The following HSPA12B variants were observed in gnomAD, a reference collection of about 807,000 sequenced individuals.
HSPA12B encodes the protein heat shock 70 kDa protein 12B.
A neutral mutation model predicts 69.3 loss-of-function variants in HSPA12B; 54 were observed. The observed-to-expected ratio is 0.78, with a 90% confidence interval of 0.63 to 0.98. The LOEUF (loss-of-function observed/expected upper bound fraction) is 0.98. HSPA12B is among the 50% of genes least tolerant of loss of function. HSPA12B has a pLI of 0.00. For missense variants in HSPA12B, 929 were observed against 999.8 expected (o/e 0.93, Z 0.96); for synonymous variants, 441 against 436.5 (o/e 1.01, Z -0.13).
rs1205254920 is a variant in HSPA12B, at chr20:3,745,916, A to G, written c.560A>G (p.Glu187Gly). 1 of 1,613,720 alleles carries G rather than the reference A, an allele frequency of 6.2e-7. No individual in the cohort carries two copies. Among genetic ancestry groups the G allele is most frequent in the South Asian group, 1.1e-5 (1 of 91,070 alleles). The change falls in exon 7 of 13, where the codon GAG (glutamate) becomes GGG (glycine). Residue 187 changes from glutamate (E) to glycine (G), a missense_variant and splice_region_variant. Coordinates refer to ENST00000254963, the MANE Select transcript of HSPA12B (RefSeq NM_052970.5). The surrounding 1 kb of genome is among the most constrained non-coding windows in gnomAD (Gnocchi z 5.6). Reference sequence around the variant, plus strand: ...TCTCACTGCCCCCTCCTGTACCAGGAGCTGAGGGAGCAGAGCCCATCGCTG... The same window carrying G: ...TCTCACTGCCCCCTCCTGTACCAGGGGCTGAGGGAGCAGAGCCCATCGCTG... ...LRFFREHALQ[E>G]LREQSPSLPE...
Position 3,750,041 on chromosome 20 carries a change from T to C in HSPA12B, c.1115T>C (p.Phe372Ser). ...CTGTGCCGCATCTTCGGCGAGGACT[T>C]CATCGCCACCTTCAAAAGGCAACGG... Reference protein sequence around the residue: ...QLLCRIFGEDFIATFKRQRPA... With the variant: ...QLLCRIFGEDSIATFKRQRPA... The change falls in exon 11 of 13, where the codon TTC (phenylalanine) becomes TCC (serine). Residue 372 changes from phenylalanine (F) to serine (S), a missense_variant. By Grantham distance (155) the Phe-to-Ser change is radical. This residue lies in a region of HSPA12B where 477 missense variants were observed against 535.2 expected (regional missense o/e 0.89). Transcript: ENST00000254963. 6.2e-7 allele frequency: 1 copy of C among 1,607,350 alleles called. No individual in the cohort carries two copies. The highest frequency in any genetic ancestry group is 2.2e-5 in the East Asian group (1 of 44,576).
Position 3,745,846 on chromosome 20 carries a change from T to A in HSPA12B, c.559-69T>A. 7.4e-7 allele frequency: 1 copy of A among 1,350,850 alleles called. No homozygotes were observed. 83.7% of individuals were successfully genotyped at this position (1,350,850 alleles called of 1,614,324 possible). A position where few individuals can be genotyped will look rare whatever the true frequency, so the allele number is the denominator to read the frequency against. ...CCTGTGATTTGATTAGTACCTCCAG[T>A]TCCGCAGAGGGCTGAAGACCACCCT... On this transcript the variant is annotated intron_variant, in intron 6 of 12. Transcript: ENST00000254963. The surrounding 1 kb of genome is among the most constrained non-coding windows in gnomAD (Gnocchi z 5.6).
chr20:3,735,319 T>C (rs1231646501), intron 1 of HSPA12B, among the ~76,000 whole-genome samples: 2 of 152,220 alleles, frequency 1.3e-5, no homozygotes, highest in Non-Finnish European at 2.9e-5. Flanking sequence ...TAATAGGCTC[T>C]TGCCATCCCT....
In HSPA12B at chr20:3,752,031, C is replaced by T. The variant is rs1430375815; in HGVS notation, c.1926C>T (p.Asp642=). ...TTGAGCCCGCCGACTGCGGCCAGGA[C>T]ACCGCCGGCGCGCCTCCCGGCCGCC... ...LELEPADCGQ[D]TAGAPPGRRE... is the part of the protein sequence containing the mutation. The change falls in exon 13 of 13, where the codon GAC becomes GAT. Residue 642 remains aspartate (D), a synonymous_variant. Coordinates refer to ENST00000254963, the MANE Select transcript of HSPA12B (RefSeq NM_052970.5). The T allele has an allele frequency of 6.4e-7, 1 of 1,556,826 alleles. No homozygotes were observed. The highest frequency in any genetic ancestry group is 2.4e-5 in the East Asian group (1 of 42,504).
At position 3,749,709 on chromosome 20, in the gene HSPA12B, C is replaced by G. The variant is rs1230158482; in HGVS notation, c.938-41C>G. On this transcript the variant is annotated intron_variant, in intron 9 of 12. Transcript: ENST00000254963. This position sits in a 1 kb window ranked among gnomAD's most constrained non-coding sequence, Gnocchi z 5.5. ...TGGAGGGGGCGCAGGGCTGAGGGTG[C>G]GAGGCCGCCCACGAGTGTGTGCCCG... is the stretch of plus-strand genomic sequence containing the variant. The G allele has an allele frequency of 1.4e-6, 2 of 1,425,816 alleles. No individual in the cohort carries two copies. Among genetic ancestry groups the G allele is most frequent in the Non-Finnish European group, 1.9e-6 (2 of 1,049,466 alleles). The allele number at this position is 1,425,816 out of a possible 1,614,324, so 88.3% of individuals were successfully genotyped here.
In HSPA12B at chr20:3,742,373, C is replaced by T. The variant is rs1187882777; in HGVS notation, c.231C>T (p.Ser77=). The change falls in exon 4 of 13, where the codon AGC becomes AGT. Residue 77 remains serine (S), a synonymous_variant. Transcript: ENST00000254963. Reference sequence around the variant, plus strand: ...CCACGTCTAGTGGCTATGCTTTCAGCTTTGCCAGTGACCCTGAGGCCATCC... The same window carrying T: ...CCACGTCTAGTGGCTATGCTTTCAGTTTTGCCAGTGACCCTGAGGCCATCC... ...FGTTSSGYAF[S]FASDPEAIHM... is the part of the protein sequence containing the mutation. The T allele has an allele frequency of 1.2e-6, 2 of 1,613,890 alleles. No individual in the cohort carries two copies. Among genetic ancestry groups the T allele is most frequent in the African/African-American group, 1.3e-5 (1 of 74,930 alleles).
At position 3,751,706 on chromosome 20, in the gene HSPA12B, T is replaced by C. The variant is rs1383279790; in HGVS notation, c.1601T>C (p.Val534Ala). ...CTGTTCGGCCAGGCGCCGGGCGTGG[T>C]GCGGGTCCGCCGCTCGCCGCTCACC... is the stretch of plus-strand genomic sequence containing the variant. ...AVLFGQAPGV[V>A]RVRRSPLTYG... is the part of the protein sequence containing the mutation. Residue 534 changes from valine (V) to alanine (A), a missense_variant, in exon 13 of 13, where the codon GTG becomes GCG. Coordinates refer to ENST00000254963, the MANE Select transcript of HSPA12B (RefSeq NM_052970.5). 3 of 1,484,492 alleles carry C rather than the reference T, an allele frequency of 2.0e-6. No homozygotes were observed. The highest frequency in any genetic ancestry group is 2.7e-6 in the Non-Finnish European group (3 of 1,121,202). 92.0% of individuals were successfully genotyped at this position (1,484,492 alleles called of 1,614,324 possible). A position where few individuals can be genotyped will look rare whatever the true frequency, so the allele number is the denominator to read the frequency against.
intron 8 of HSPA12B, among the ~76,000 whole-genome samples, chr20:3,748,737 G>A (rs2088354584): frequency 6.6e-6 from 1 of 152,074 alleles, no homozygotes; most frequent in Admixed American, 6.5e-5. Context: ...GGAAACTGCT[G>A]GGGTACTGAC....
chr20:3,752,316 G>A lies in HSPA12B; in HGVS notation c.*150G>A, dbSNP rs1337480400. ...AGCCCCGGGGGAGATAAGGTCATGG[G>A]AGAGTGGGTGGGGACACACCCAGAG... On this transcript the variant is annotated 3_prime_UTR_variant, in exon 13 of 13. Transcript: ENST00000254963. The A allele has an allele frequency of 7.9e-6, 6 of 755,518 alleles. No homozygotes were observed. The highest frequency in any genetic ancestry group is 1.2e-5 in the Non-Finnish European group (6 of 513,444). The allele number at this position is 755,518 out of a possible 1,614,324, so 46.8% of individuals were successfully genotyped here. A position where few individuals can be genotyped will look rare whatever the true frequency, so the allele number is the denominator to read the frequency against.
Position 3,740,852 on chromosome 20 carries a change from C to T in HSPA12B, c.81C>T (p.Pro27=), listed in dbSNP as rs1288586108. The T allele has an allele frequency of 3.7e-6, 6 of 1,613,878 alleles. No individual in the cohort carries two copies. The highest frequency in any genetic ancestry group is 2.2e-5 in the East Asian group (1 of 44,876). ...AGCGGTCCCCAGTGCCTAGCCCACC[C>T]GGCTCCCCGAGGACCCAGGAAAGCT... ...SPERSPVPSP[P]GSPRTQESCG... is the part of the protein sequence containing the mutation. The change falls in exon 3 of 13, where the codon CCC becomes CCT. Residue 27 remains proline, a synonymous_variant. Coordinates refer to ENST00000254963, the MANE Select transcript of HSPA12B (RefSeq NM_052970.5). This position sits in a 1 kb window ranked among gnomAD's most constrained non-coding sequence, Gnocchi z 4.9.
rs1343664933 is a variant in HSPA12B, at chr20:3,744,885, G to A, written c.267-17G>A. 1 of 1,609,846 alleles carries A rather than the reference G, an allele frequency of 6.2e-7. No individual in the cohort carries two copies. Among genetic ancestry groups the A allele is most frequent in the Non-Finnish European group, 8.5e-7 (1 of 1,179,338 alleles). Reference sequence around the variant, plus strand: ...CCAAGAAGGGAGGGTTGCACTGACTGCCCTGTGCCTCCGCAGGAAATGGGA... The same window carrying A: ...CCAAGAAGGGAGGGTTGCACTGACTACCCTGTGCCTCCGCAGGAAATGGGA... On this transcript the variant is annotated splice_polypyrimidine_tract_variant and intron_variant, in intron 4 of 12. Transcript: ENST00000254963. This position sits in a 1 kb window ranked among gnomAD's most constrained non-coding sequence, Gnocchi z 4.9.
intron 4 of HSPA12B, among the ~76,000 whole-genome samples, chr20:3,743,905 G>C (rs1568474806): frequency 6.6e-6 from 1 of 151,820 alleles, no homozygotes; most frequent in Non-Finnish European, 1.5e-5. Flanking sequence ...AATAAAACAA[G>C]AAATAAAAAT....
At chr20:3,746,096 C>A in intron 7 of HSPA12B, 65 bp downstream of exon 7, 1 of 1,164,490 alleles carries the variant, frequency 8.6e-7, no homozygotes, top group Non-Finnish European at 1.3e-6. Flanking sequence ...CCCATGCTTG[C>A]ATGCACCCCA....
At chr20:3,750,538 G>C (rs1468348028) in intron 11 of HSPA12B, 2 of 448,432 alleles carry the variant, frequency 4.5e-6, no homozygotes, top group Non-Finnish European at 2.9e-6. Context: ...ATGCTCCTCG[G>C]TTTCCCTGCA....
In HSPA12B at chr20:3,751,829, A is replaced by T; in HGVS notation, c.1724A>T (p.Glu575Val). The change falls in exon 13 of 13, where the codon GAG (glutamate) becomes GTG (valine). Residue 575 changes from glutamate (E) to valine (V), a missense_variant. This residue lies in a region of HSPA12B where 448 missense variants were observed against 448.1 expected (regional missense o/e 1.00). Transcript: ENST00000254963. ...DGRRWCTDVF[E>V]RFVAAEQSVA... The stretch of plus-strand genomic sequence containing the variant: ...CGCCGCTGGTGCACCGACGTCTTCG[A>T]GCGCTTCGTGGCCGCCGAGCAGTCG... 6.5e-7 allele frequency: 1 copy of T among 1,536,286 alleles called. No homozygotes were observed. The highest frequency in any genetic ancestry group is 8.7e-7 in the Non-Finnish European group (1 of 1,147,446).
At position 3,745,634 on chromosome 20, in the gene HSPA12B, G is replaced by A; in HGVS notation, c.558+37G>A. 4.4e-6 allele frequency: 7 copies of A among 1,578,694 alleles called. No individual in the cohort carries two copies. The highest frequency in any genetic ancestry group is 6.1e-6 in the Non-Finnish European group (7 of 1,148,878). ...CCCCACCTCTGCCGACTGTGGCAGG[G>A]ACCCCCTATTTTCCCCTCATCCGAA... On this transcript the variant is annotated intron_variant, in intron 6 of 12. Coordinates refer to ENST00000254963, the MANE Select transcript of HSPA12B (RefSeq NM_052970.5). The surrounding 1 kb of genome is among the most constrained non-coding windows in gnomAD (Gnocchi z 5.6).
chr20:3,740,802 C>G lies in HSPA12B; in HGVS notation c.44-13C>G. The G allele has an allele frequency of 6.2e-7, 1 of 1,611,128 alleles. No homozygotes were observed. The highest frequency in any genetic ancestry group is 8.5e-7 in the Non-Finnish European group (1 of 1,178,392). ...TGCTTGTGCCAGGATGAACTGCCGTCTCTTCTCTGCAGGCTCCAGCCCGGA... is the reference window on the plus strand; with the variant it reads ...TGCTTGTGCCAGGATGAACTGCCGTGTCTTCTCTGCAGGCTCCAGCCCGGA... On this transcript the variant is annotated splice_polypyrimidine_tract_variant and intron_variant, in intron 2 of 12. Transcript: ENST00000254963. The surrounding 1 kb of genome is among the most constrained non-coding windows in gnomAD (Gnocchi z 4.9).
rs1038503484 is a variant in HSPA12B, at chr20:3,752,408, G to C, written c.*242G>C. On this transcript the variant is annotated 3_prime_UTR_variant, in exon 13 of 13. Coordinates refer to ENST00000254963, the MANE Select transcript of HSPA12B (RefSeq NM_052970.5). ...TGAAGGGACCCGCCAAGGACTGAACGGGTAAGAGAAGAGGTTTGCAAGACA... is the reference window on the plus strand; with the variant it reads ...TGAAGGGACCCGCCAAGGACTGAACCGGTAAGAGAAGAGGTTTGCAAGACA... 1.6e-5 allele frequency: 7 copies of C among 438,522 alleles called. No individual in the cohort carries two copies. Among genetic ancestry groups the C allele is most frequent in the Admixed American group, 8.6e-5 (2 of 23,382 alleles). The allele number at this position is 438,522 out of a possible 1,614,324, so 27.2% of individuals were successfully genotyped here. A position where few individuals can be genotyped will look rare whatever the true frequency, so the allele number is the denominator to read the frequency against.
intron 11 of HSPA12B, 110 bp from the exon 12 acceptor site, chr20:3,750,694 C>G (rs2088401931): frequency 6.3e-7 from 1 of 1,588,044 alleles, no homozygotes. Context: ...AGTCGGTGCC[C>G]AGGCACTTCT....
Sources: allele counts gnomAD v4.1 joint callset (sites outside exome capture counted in the v4.1 genomes callset), GRCh38; gene constraint gnomAD v4.1.1; regional missense constraint gnomAD v4.1.1; non-coding constraint Gnocchi (gnomAD v3.1); transcripts MANE v1.5; gene names NCBI Gene and HGNC (gene_info 2026-07-23, HGNC 2026-07-21).